The following LARS2 variants were observed in gnomAD, a reference collection of about 807,000 sequenced individuals.
LARS2 encodes leucine--tRNA ligase, mitochondrial.
In LARS2, 81 loss-of-function variants were observed where a neutral mutation model predicts 116.6. That is an observed-to-expected ratio of 0.69 (90% CI 0.58 to 0.84). The LOEUF is 0.84. LARS2 is among the 40% of genes least tolerant of loss of function. The pLI, the probability that LARS2 is intolerant of heterozygous loss-of-function variation, is 0.00. For synonymous variants in LARS2, 396 were observed against 407.2 expected, an observed-to-expected ratio of 0.97 and a Z score of 0.33; for missense variants, 968 against 1,114.5, an observed-to-expected ratio of 0.87 and a Z score of 1.87.
chr3:45,402,646 G>T (rs1176076830), intron 4 of LARS2, among the ~76,000 whole-genome samples: 3 of 152,210 alleles, frequency 2.0e-5, no homozygotes, highest in Non-Finnish European at 4.4e-5. Flanking sequence ...AGAGGGTCAC[G>T]TTGTAATGTC....
At chr3:45,511,593 T>C (rs1700290492) in intron 15 of LARS2, among the ~76,000 whole-genome samples, 1 of 151,992 alleles carries the variant, frequency 6.6e-6, no homozygotes. Flanking sequence ...AAAAAAGTTA[T>C]AAAAGACGAG....
rs1384638466 is a variant in LARS2, at chr3:45,488,683, TCTC to T, written c.1124-10_1124-8del. 4 of 1,513,732 alleles carry T rather than the reference TCTC, an allele frequency of 2.6e-6. No homozygotes were observed. Among genetic ancestry groups the T allele is most frequent in the South Asian group, 1.1e-5 (1 of 89,014 alleles). 93.8% of individuals were successfully genotyped at this position (1,513,732 alleles called of 1,614,324 possible). ...TTGTGAAGGAAATGTTTTCTTTTCT[TCTC>T]CTCTGAATAGGAATTCCCAGTACTA... is the stretch of plus-strand genomic sequence containing the variant. On this transcript the variant is annotated splice_polypyrimidine_tract_variant and intron_variant, in intron 11 of 21. Transcript: ENST00000645846.
chr3:45,515,535 G>A (rs1700358660), intron 16 of LARS2, among the ~76,000 whole-genome samples: 1 of 152,228 alleles, frequency 6.6e-6, no homozygotes, highest in Non-Finnish European at 1.5e-5. Context: ...ATCTAGACCA[G>A]TGGTATGTGA....
At chr3:45,438,662 AC>A (rs1310177458) in intron 6 of LARS2, among the ~76,000 whole-genome samples, 565 of 40,958 alleles carry the variant, frequency 0.014, 5 homozygotes, top group African/African-American at 0.021. Context: ...TACTAAAAAT[AC>A]CAAAAAAAAA....
chr3:45,482,106 T>G (rs999059915), intron 10 of LARS2, among the ~76,000 whole-genome samples: 7 of 152,228 alleles, frequency 4.6e-5, no homozygotes, highest in Non-Finnish European at 1.0e-4. Flanking sequence ...ATCTTAAAAA[T>G]CAGGCTGCTT....
chr3:45,404,867 G>A (rs1308171033), intron 4 of LARS2, among the ~76,000 whole-genome samples: 3 of 152,140 alleles, frequency 2.0e-5, no homozygotes, highest in Non-Finnish European at 4.4e-5. Flanking sequence ...GATTACAGGT[G>A]TGAGCCACTG....
At chr3:45,418,692 T>G (rs1478600070) in intron 5 of LARS2, among the ~76,000 whole-genome samples, 1 of 152,230 alleles carries the variant, frequency 6.6e-6, no homozygotes, top group Non-Finnish European at 1.5e-5. Context: ...TAGAGACTGA[T>G]TGGCTCACAA....
chr3:45,545,960 G>GAA (rs1168781892), intron 21 of LARS2, among the ~76,000 whole-genome samples: 14 of 127,950 alleles, frequency 1.1e-4, no homozygotes, highest in Non-Finnish European at 1.5e-4. Context: ...TGTCCTTAAG[G>GAA]AAAAAAAAAA....
chr3:45,439,799 AC>A (rs1698875098), intron 6 of LARS2, among the ~76,000 whole-genome samples: 1 of 152,042 alleles, frequency 6.6e-6, no homozygotes, highest in African/African-American at 2.4e-5. Flanking sequence ...TTTCATGCGA[AC>A]CAAATCATGT....
chr3:45,532,830 C>T (rs1296514904), intron 20 of LARS2, among the ~76,000 whole-genome samples: 3 of 151,934 alleles, frequency 2.0e-5, no homozygotes, highest in South Asian at 2.1e-4. Flanking sequence ...TTAGTAGAGA[C>T]GAGGTTTTGC....
At chr3:45,442,459 A>G (rs1191784021) in intron 6 of LARS2, among the ~76,000 whole-genome samples, 1 of 152,268 alleles carries the variant, frequency 6.6e-6, no homozygotes, top group Non-Finnish European at 1.5e-5. Context: ...GAAATTTACT[A>G]CACAAATTTA....
chr3:45,507,562 G>A (rs571191741), intron 15 of LARS2, among the ~76,000 whole-genome samples: 2 of 152,176 alleles, frequency 1.3e-5, no homozygotes, highest in South Asian at 2.1e-4. Context: ...TGCTGAGACA[G>A]GGTAAATAAA....
chr3:45,549,157 C>T lies in LARS2; in HGVS notation c.*1627C>T, dbSNP rs149149806. The T allele has an allele frequency of 2.6e-5, 4 of 152,320 alleles. No individual in the cohort carries two copies. The highest frequency in any genetic ancestry group is 5.9e-5 in the Non-Finnish European group (4 of 68,032). 9.4% of individuals were successfully genotyped at this position (152,320 alleles called of 1,614,324 possible). ...TGAACACCAGGAATCTTTAAAACTC[C>T]ACAAGTGATTCTAATGGGCAGCAAA... On this transcript the variant is annotated 3_prime_UTR_variant, in exon 22 of 22. Coordinates refer to ENST00000645846, the MANE Select transcript of LARS2 (RefSeq NM_015340.4).
intron 7 of LARS2, among the ~76,000 whole-genome samples, chr3:45,453,713 A>T (rs2125707908): frequency 6.6e-6 from 1 of 152,310 alleles, no homozygotes; most frequent in Admixed American, 6.5e-5. Context: ...ACTTTATAAG[A>T]CCTATGTGAT....
In LARS2 at chr3:45,502,961, C is replaced by A. The variant is rs149396959; in HGVS notation, c.1760+2382C>A. ...TAATGTCATTATGGGTCTGTTTAGT[C>A]ATTTGTTGTTTCTGCTGTTCTCACT... On this transcript the variant is annotated intron_variant, in intron 15 of 21. Transcript: ENST00000645846. Among the ~76,000 whole-genome samples, 25 of 151,728 alleles carry A rather than the reference C, an allele frequency of 1.6e-4. 1 individual carries two copies. Among genetic ancestry groups the A allele is most frequent in the Non-Finnish European group, 8.8e-5 (6 of 67,906 alleles).
At chr3:45,395,938 C>A (rs965085120) in intron 3 of LARS2, among the ~76,000 whole-genome samples, 3 of 152,046 alleles carry the variant, frequency 2.0e-5, no homozygotes, top group African/African-American at 7.3e-5. Context: ...AGTGAAAAGC[C>A]CTTGTGTCAA....
chr3:45,542,073 C>T (rs1253601749), intron 21 of LARS2, 117 bp downstream of exon 21: 1 of 1,298,614 alleles, frequency 7.7e-7, no homozygotes, highest in Non-Finnish European at 1.1e-6. Flanking sequence ...CTCAGCTCAG[C>T]CCTCAGCCAC....
At chr3:45,518,117 C>G (rs1472448399) in intron 18 of LARS2, 45 bp downstream of exon 18, 2 of 1,513,808 alleles carry the variant, frequency 1.3e-6, no homozygotes, top group East Asian at 2.3e-5. Context: ...TAACCAAGCA[C>G]TCTTTGGGAA....
intron 18 of LARS2, among the ~76,000 whole-genome samples, chr3:45,519,240 C>G (rs1234567317): frequency 6.6e-6 from 1 of 151,988 alleles, no homozygotes; most frequent in African/African-American, 2.4e-5. Flanking sequence ...ACCTATAATC[C>G]CAGCACTTTG....
Sources: allele counts gnomAD v4.1 joint callset (sites outside exome capture counted in the v4.1 genomes callset), GRCh38; gene constraint gnomAD v4.1.1; transcripts MANE v1.5; gene names NCBI Gene and HGNC (gene_info 2026-07-23, HGNC 2026-07-21).